The following POU3F3 variants were observed in gnomAD, a reference collection of about 807,000 sequenced individuals.
The protein encoded by POU3F3 is POU domain, class 3, transcription factor 3.
Under a neutral mutation model 8.6 loss-of-function variants are expected in POU3F3, and 1 was observed. The ratio of observed to expected loss-of-function variants is 0.12; its 90% CI spans 0.04 to 0.55. The LOEUF (loss-of-function observed/expected upper bound fraction) is 0.55, where lower values mean the gene tolerates loss of function less well. Ranked by LOEUF, POU3F3 falls within the 20% of genes least tolerant of loss-of-function variation. The probability of loss-of-function intolerance (pLI) is 0.91; values close to 1 mark genes in which losing one functional copy is unlikely to be tolerated. For synonymous variants in POU3F3, 418 were observed against 327.4 expected, an observed-to-expected ratio of 1.28 and a Z score of -2.99; for missense variants, 577 against 690.7, an observed-to-expected ratio of 0.84 and a Z score of 1.84.
the POU3F3 span, among the ~76,000 whole-genome samples, chr2:104,907,044 T>C: frequency 1.3e-5 from 2 of 152,156 alleles, no homozygotes; most frequent in African/African-American, 4.8e-5. Flanking sequence ...CAGTGGCATA[T>C]TGCACGCGAA....
At chr2:104,917,440 T>C in the POU3F3 span, among the ~76,000 whole-genome samples, 1 of 152,084 alleles carries the variant, frequency 6.6e-6, no homozygotes, top group Non-Finnish European at 1.5e-5. Flanking sequence ...TGATATGCTA[T>C]AGAGGCAAGG....
At chr2:104,898,044 T>G in the POU3F3 span, among the ~76,000 whole-genome samples, 1 of 152,246 alleles carries the variant, frequency 6.6e-6, no homozygotes, top group African/African-American at 2.4e-5. Flanking sequence ...CCCAAGGTAA[T>G]GAAATTTGGA....
the POU3F3 span, among the ~76,000 whole-genome samples, chr2:104,905,357 G>A: frequency 6.6e-6 from 1 of 152,100 alleles, no homozygotes; most frequent in African/African-American, 2.4e-5. Flanking sequence ...GCATATAGTG[G>A]AAGTCCCTTT....
At chr2:104,894,852 G>C in the POU3F3 span, among the ~76,000 whole-genome samples, 1 of 152,218 alleles carries the variant, frequency 6.6e-6, no homozygotes, top group African/African-American at 2.4e-5. Context: ...GCACCCACAG[G>C]GGTGAGAACA....
chr2:104,909,536 C>T, the POU3F3 span, among the ~76,000 whole-genome samples: 1 of 152,228 alleles, frequency 6.6e-6, no homozygotes, highest in Non-Finnish European at 1.5e-5. Flanking sequence ...CGGACATGGC[C>T]CTCTGTGTCT....
At chr2:104,904,806 G>A in the POU3F3 span, among the ~76,000 whole-genome samples, 1 of 152,066 alleles carries the variant, frequency 6.6e-6, no homozygotes, top group Non-Finnish European at 1.5e-5. Flanking sequence ...AGCTCTTAAG[G>A]CTGTGGTACC....
At chr2:104,908,886 T>A in the POU3F3 span, among the ~76,000 whole-genome samples, 1 of 152,250 alleles carries the variant, frequency 6.6e-6, no homozygotes, top group African/African-American at 2.4e-5. Flanking sequence ...TAGAAAATAC[T>A]TAGGCAAGAT....
At chr2:104,902,248 A>C in the POU3F3 span, among the ~76,000 whole-genome samples, 1 of 152,168 alleles carries the variant, frequency 6.6e-6, no homozygotes, top group East Asian at 1.9e-4. Context: ...CAGTCTCTTC[A>C]TCATCTGTTT....
the POU3F3 span, among the ~76,000 whole-genome samples, chr2:104,900,092 AG>A: frequency 6.6e-6 from 1 of 152,234 alleles, no homozygotes; most frequent in African/African-American, 2.4e-5. Flanking sequence ...GAGGTGGCCT[AG>A]GCCTTTGATG....
Position 104,857,326 on chromosome 2 carries a change from A to G in POU3F3, c.*313A>G, listed in dbSNP as rs1676589796. On this transcript the variant is annotated 3_prime_UTR_variant, in exon 1 of 1. Transcript: ENST00000361360. ...AACACCCAGACTGTTTTGTATACAT[A>G]TATAACAAACAAAACCGGAAGAGAA... is the stretch of plus-strand genomic sequence containing the variant. 1 of 156,110 alleles carries G rather than the reference A, an allele frequency of 6.4e-6. No individual in the cohort carries two copies. The highest frequency in any genetic ancestry group is 1.4e-5 in the Non-Finnish European group (1 of 70,210). The allele number at this position is 156,110 out of a possible 1,614,324, so 9.7% of individuals were successfully genotyped here.
rs1173564686 is a variant in POU3F3, at chr2:104,857,314, T to C, written c.*301T>C. ...AAAAGCATAATAAACACCCAGACTG[T>C]TTTGTATACATATATAACAAACAAA... On this transcript the variant is annotated 3_prime_UTR_variant, in exon 1 of 1. Coordinates refer to ENST00000361360, the MANE Select transcript of POU3F3 (RefSeq NM_006236.3). The C allele has an allele frequency of 6.3e-6, 1 of 157,706 alleles. No homozygotes were observed. Among genetic ancestry groups the C allele is most frequent in the African/African-American group, 2.4e-5 (1 of 41,490 alleles). The allele number at this position is 157,706 out of a possible 1,614,324, so 9.8% of individuals were successfully genotyped here.
the POU3F3 span, among the ~76,000 whole-genome samples, chr2:104,883,696 G>A: frequency 2.0e-5 from 3 of 152,230 alleles, no homozygotes; most frequent in African/African-American, 7.2e-5. Flanking sequence ...CCGCTGGTGT[G>A]TTTAATGTCA....
chr2:104,879,765 T>A, the POU3F3 span, among the ~76,000 whole-genome samples: 1 of 152,134 alleles, frequency 6.6e-6, no homozygotes, highest in Admixed American at 6.5e-5. Context: ...GTGAAATTCA[T>A]ACCTACCAAG....
the POU3F3 span, chr2:104,872,590 A>C: frequency 3.6e-6 from 1 of 275,466 alleles, no homozygotes; most frequent in Non-Finnish European, 7.1e-6. The surrounding 1 kb of genome is among the most constrained non-coding windows in gnomAD (Gnocchi z 4.6). Context: ...GTGGGGACGC[A>C]CTCGCTCTGC....
chr2:104,855,279 C>G lies in POU3F3; in HGVS notation c.-232C>G, dbSNP rs1034267233. Among the ~76,000 whole-genome samples, 4 of 149,050 alleles carry G rather than the reference C, an allele frequency of 2.7e-5. No homozygotes were observed. The highest frequency in any genetic ancestry group is 9.7e-5 in the African/African-American group (4 of 41,180). Reference sequence around the variant, plus strand: ...CGCGCCCTGCCGAGCGGCCTTGCAGCTGCAGCCGGGGGCCGCGGCGGCGGC... The same window carrying G: ...CGCGCCCTGCCGAGCGGCCTTGCAGGTGCAGCCGGGGGCCGCGGCGGCGGC... On this transcript the variant is annotated 5_prime_UTR_variant, in exon 1 of 1. Transcript: ENST00000361360.
chr2:104,925,878 G>A, the POU3F3 span: 1 of 152,154 alleles, frequency 6.6e-6, no homozygotes, highest in Non-Finnish European at 1.5e-5. Context: ...TTGGACGAGT[G>A]TCTTAGTCAG....
the POU3F3 span, among the ~76,000 whole-genome samples, chr2:104,897,154 G>T: frequency 6.6e-6 from 1 of 152,198 alleles, no homozygotes; most frequent in African/African-American, 2.4e-5. Flanking sequence ...GCCAAGGTTG[G>T]CATTGCATTT....
chr2:104,914,872 C>T, the POU3F3 span, among the ~76,000 whole-genome samples: 2 of 152,164 alleles, frequency 1.3e-5, no homozygotes, highest in Non-Finnish European at 2.9e-5. Flanking sequence ...TCCCTGAGAC[C>T]GTGGTAAAAG....
the POU3F3 span, among the ~76,000 whole-genome samples, chr2:104,879,370 C>T: frequency 1.3e-5 from 2 of 152,068 alleles, no homozygotes; most frequent in South Asian, 2.1e-4. Context: ...CACAGTCTTC[C>T]GGTCATCTGA....
Sources: gnomAD v4.1 joint callset for allele counts (sites outside exome capture counted in the v4.1 genomes callset) on GRCh38, gnomAD v4.1.1 for gene constraint, Gnocchi (gnomAD v3.1) non-coding constraint, MANE v1.5 for transcripts, NCBI Gene and HGNC (gene_info 2026-07-23, HGNC 2026-07-21) for gene names.